Variants in CTNNA3 observed in about 807,000 individuals in gnomAD.
The protein encoded by CTNNA3 is catenin alpha 3, also known as catenin alpha-3.
CTNNA3 carries 76 observed loss-of-function variants against 95.7 expected under a neutral mutation model. That is an observed-to-expected ratio of 0.79 (90% confidence interval 0.66 to 0.96). The LOEUF is 0.96. Ranked by LOEUF, CTNNA3 falls within the 40% of genes least tolerant of loss-of-function variation. CTNNA3 has a pLI of 0.00. For missense variants in CTNNA3, 1,191 were observed against 1,089.8 expected (o/e 1.09, Z -1.31); for synonymous variants, 431 against 374.4 (o/e 1.15, Z -1.74).
intron 7 of CTNNA3, among the ~76,000 whole-genome samples, chr10:66,841,743 T>C (rs1843071930): frequency 6.6e-6 from 1 of 152,196 alleles, no homozygotes; most frequent in Non-Finnish European, 1.5e-5. Flanking sequence ...CACTAAGGGC[T>C]AACAAGTGCT....
intron 11 of CTNNA3, among the ~76,000 whole-genome samples, chr10:66,500,106 T>G (rs1425370224): frequency 6.6e-6 from 1 of 152,004 alleles, no homozygotes; most frequent in Non-Finnish European, 1.5e-5. Context: ...CGGCCAATAG[T>G]TGCATTTCTT....
At chr10:66,508,180 G>C (rs78055699) in intron 11 of CTNNA3, among the ~76,000 whole-genome samples, 1 of 114,702 alleles carries the variant, frequency 8.7e-6, no homozygotes, top group South Asian at 2.8e-4. Context: ...AGCAGCTCTT[G>C]TTTTTTTTTT....
chr10:66,192,155 C>A (rs1340837082), intron 13 of CTNNA3, among the ~76,000 whole-genome samples: 2 of 152,072 alleles, frequency 1.3e-5, no homozygotes, highest in Non-Finnish European at 2.9e-5. Context: ...CAAGATAGAT[C>A]TGAACAGTAA....
chr10:67,407,781 G>C (rs748954677), intron 5 of CTNNA3, among the ~76,000 whole-genome samples: 13 of 152,084 alleles, frequency 8.5e-5, no homozygotes, highest in Non-Finnish European at 1.8e-4. Context: ...CAGCAGGCAA[G>C]TAGAGAGCCA....
intron 9 of CTNNA3, among the ~76,000 whole-genome samples, chr10:66,757,749 G>C (rs182048839): frequency 1.3e-5 from 2 of 152,142 alleles, no homozygotes; most frequent in African/African-American, 4.8e-5. Flanking sequence ...TATAAAACTT[G>C]GGCTCACTTT....
At chr10:66,717,746 T>G (rs1848499326) in intron 9 of CTNNA3, among the ~76,000 whole-genome samples, 1 of 152,150 alleles carries the variant, frequency 6.6e-6, no homozygotes, top group East Asian at 1.9e-4. Context: ...ACAGCGACTT[T>G]GATAGCTCTG....
chr10:67,283,284 C>T (rs1000153438), intron 5 of CTNNA3, among the ~76,000 whole-genome samples: 7 of 152,122 alleles, frequency 4.6e-5, no homozygotes, highest in Admixed American at 2.0e-4. Flanking sequence ...GCAGCCAGTG[C>T]CAGGAAAAGG....
intron 5 of CTNNA3, among the ~76,000 whole-genome samples, chr10:67,277,853 G>A (rs1305528558): frequency 6.6e-6 from 1 of 152,080 alleles, no homozygotes; most frequent in African/African-American, 2.4e-5. Flanking sequence ...AAAAGAGAAG[G>A]AACCCTCAGT....
At chr10:66,731,126 G>A (rs1848947231) in intron 9 of CTNNA3, among the ~76,000 whole-genome samples, 2 of 152,104 alleles carry the variant, frequency 1.3e-5, no homozygotes, top group Non-Finnish European at 2.9e-5. Flanking sequence ...ATAAAAACAG[G>A]AGCAAATTGC....
At chr10:66,085,730 A>T (rs2080957051) in intron 14 of CTNNA3, among the ~76,000 whole-genome samples, 1 of 152,174 alleles carries the variant, frequency 6.6e-6, no homozygotes, top group African/African-American at 2.4e-5. Context: ...AGCATTCGTA[A>T]TTCTCCAAAC....
chr10:66,183,065 G>A (rs1357631197), intron 13 of CTNNA3, among the ~76,000 whole-genome samples: 2 of 152,058 alleles, frequency 1.3e-5, no homozygotes, highest in Admixed American at 1.3e-4. Context: ...CAAGAAAGGG[G>A]ATTTATATTC....
chr10:66,503,362 T>A lies in CTNNA3; in HGVS notation c.1531+17255A>T, dbSNP rs537406340. On this transcript the variant is annotated intron_variant, in intron 11 of 17. Coordinates refer to ENST00000433211, the MANE Select transcript of CTNNA3 (RefSeq NM_013266.4). ...AATAAATAAATTATATAATTAACATTTTCAAAGAGGCATTTAGGGAGTCTG... is the reference window on the plus strand; with the variant it reads ...AATAAATAAATTATATAATTAACATATTCAAAGAGGCATTTAGGGAGTCTG... Among the ~76,000 whole-genome samples the A allele has an allele frequency of 1.8e-4, 27 of 152,276 alleles. No homozygotes were observed. The South Asian group carries it at 5.6e-3, about 32-fold the overall frequency.
intron 13 of CTNNA3, among the ~76,000 whole-genome samples, chr10:66,154,613 C>T (rs75853762): frequency 6.7e-6 from 1 of 149,954 alleles, no homozygotes. Flanking sequence ...GTGGCTTCCA[C>T]CAACAATTTT....
intron 5 of CTNNA3, among the ~76,000 whole-genome samples, chr10:67,365,119 T>G (rs1354155676): frequency 6.6e-6 from 1 of 152,056 alleles, no homozygotes; most frequent in East Asian, 1.9e-4. Context: ...AAACAAGAAA[T>G]GGGGAAAGGA....
intron 9 of CTNNA3, among the ~76,000 whole-genome samples, chr10:66,623,354 C>T (rs1040083117): frequency 4.0e-5 from 6 of 151,612 alleles, no homozygotes; most frequent in Non-Finnish European, 5.9e-5. Flanking sequence ...AAAAACTGGC[C>T]CTATGTAGAT....
chr10:67,162,984 T>A (rs1165293927), intron 7 of CTNNA3, among the ~76,000 whole-genome samples: 4 of 151,928 alleles, frequency 2.6e-5, no homozygotes, highest in Non-Finnish European at 5.9e-5. Context: ...GGAAGTGGAA[T>A]TCATAATATA....
chr10:66,646,228 GA>G (rs1414946010), intron 9 of CTNNA3, among the ~76,000 whole-genome samples: 1 of 152,014 alleles, frequency 6.6e-6, no homozygotes, highest in Admixed American at 6.5e-5. Flanking sequence ...AATACAATAT[GA>G]AAAAAATTGA....
At chr10:66,957,427 TGC>T (rs372918913) in intron 7 of CTNNA3, among the ~76,000 whole-genome samples, 5 of 25,680 alleles carry the variant, frequency 1.9e-4, no homozygotes, top group Admixed American at 3.3e-4. Context: ...TATATATATA[TGC>T]ATATATATAT....
Position 66,821,907 on chromosome 10 carries a change from A to G in CTNNA3, c.1048-46383T>C, listed in dbSNP as rs141712481. ...CTGGAGCACACAGAAGTTGCTAAAC[A>G]AGTTGTGGCTGAACAAATAAATGAG... On this transcript the variant is annotated intron_variant, in intron 7 of 17. Transcript: ENST00000433211. Among the ~76,000 whole-genome samples the G allele has an allele frequency of 4.1e-3, 618 of 152,322 alleles. 5 individuals are homozygous for G. The highest frequency in any genetic ancestry group is 0.013 in the African/African-American group (560 of 41,576).
Sources: gnomAD v4.1 joint callset for allele counts (sites outside exome capture counted in the v4.1 genomes callset) on GRCh38, gnomAD v4.1.1 for gene constraint, MANE v1.5 for transcripts, NCBI Gene and HGNC (gene_info 2026-07-23, HGNC 2026-07-21) for gene names.